The following PKD1L1 variants were observed in gnomAD, a reference collection of about 807,000 sequenced individuals.
The protein encoded by PKD1L1 is polycystin-1-like protein 1.
Under a neutral mutation model 323.4 loss-of-function variants are expected in PKD1L1, and 236 were observed. The observed-to-expected ratio is 0.73, with a 90% CI of 0.66 to 0.81. The LOEUF (loss-of-function observed/expected upper bound fraction) is 0.81, where lower values mean the gene tolerates loss of function less well. Ranked by LOEUF, PKD1L1 falls within the 40% of genes least tolerant of loss-of-function variation. The probability of loss-of-function intolerance (pLI) is 0.00; values close to 1 mark genes in which losing one functional copy is unlikely to be tolerated. For synonymous variants in PKD1L1, 1,344 were observed against 1,335.0 expected, an observed-to-expected ratio of 1.01 and a Z score of -0.15; for missense variants, 3,320 against 3,508.0, an observed-to-expected ratio of 0.95 and a Z score of 1.35.
Position 47,839,553 on chromosome 7 carries a change from C to T in PKD1L1, c.5662G>A (p.Gly1888Arg). ...SHVMVKELHTGQGWFFPAQCW... is the reference protein window; with the variant it reads ...SHVMVKELHTRQGWFFPAQCW... Reference sequence around the variant, plus strand: ...TGGGCAGGGAAGAACCAGCCCTGTCCCGTGTGCAGCTCCTTCACCATCACG... The same window carrying T: ...TGGGCAGGGAAGAACCAGCCCTGTCTCGTGTGCAGCTCCTTCACCATCACG... Residue 1888 changes from glycine (G) to arginine (R), a missense_variant, in exon 36 of 57, where the codon GGA (glycine) becomes AGA (arginine). Gly to Arg is a moderately radical substitution (Grantham distance 125). Coordinates refer to ENST00000289672, the MANE Select transcript of PKD1L1 (RefSeq NM_138295.5). This position sits in a 1 kb window ranked among gnomAD's most constrained non-coding sequence, Gnocchi z 4.3. The T allele has an allele frequency of 6.2e-7, 1 of 1,608,604 alleles. No homozygotes were observed. Among genetic ancestry groups the T allele is most frequent in the Admixed American group, 1.7e-5 (1 of 59,534 alleles).
chr7:47,868,642 G>C (rs946768732), intron 24 of PKD1L1, among the ~76,000 whole-genome samples: 1 of 152,176 alleles, frequency 6.6e-6, no homozygotes, highest in Non-Finnish European at 1.5e-5. Context: ...TTGGGAGGCC[G>C]AGGCAGGCGG....
chr7:47,821,976 A>G lies in PKD1L1; in HGVS notation c.6855-790T>C, dbSNP rs528991770. On this transcript the variant is annotated intron_variant, in intron 45 of 56. Coordinates refer to ENST00000289672, the MANE Select transcript of PKD1L1 (RefSeq NM_138295.5). ...AGTGCTTGGATTACAGGCATGAGTCACCATGCCCGGCCCCCAGCACCATTT... is the reference window on the plus strand; with the variant it reads ...AGTGCTTGGATTACAGGCATGAGTCGCCATGCCCGGCCCCCAGCACCATTT... Among the ~76,000 whole-genome samples the G allele has an allele frequency of 3.3e-5, 5 of 152,296 alleles. No individual in the cohort carries two copies. The East Asian group carries it at 9.7e-4, about 29-fold the overall frequency.
Position 47,856,285 on chromosome 7 carries a change from C to T in PKD1L1, c.4591-1020G>A, listed in dbSNP as rs571657400. ...AACTCCTGACCTTAGGTGATCCACT[C>T]GCCTCGGCCTCCCAAACTGCTGGGA... On this transcript the variant is annotated intron_variant, in intron 28 of 56. Transcript: ENST00000289672. 5.3e-5 allele frequency among the ~76,000 whole-genome samples: 8 copies of T among 152,288 alleles called. No homozygotes were observed. The South Asian group carries it at 6.2e-4, about 12-fold the overall frequency.
intron 56 of PKD1L1, among the ~76,000 whole-genome samples, chr7:47,776,473 A>T (rs1286318772): frequency 6.6e-6 from 1 of 152,168 alleles, no homozygotes; most frequent in Non-Finnish European, 1.5e-5. Context: ...ATGCACCCTG[A>T]TTTGCTCCAG....
intron 24 of PKD1L1, among the ~76,000 whole-genome samples, chr7:47,868,479 C>T (rs1786213346): frequency 6.6e-6 from 1 of 152,058 alleles, no homozygotes; most frequent in Admixed American, 6.5e-5. Flanking sequence ...AACTTAAAGC[C>T]ACAGGAAGAT....
At chr7:47,864,922 T>C (rs1786129884) in intron 26 of PKD1L1, among the ~76,000 whole-genome samples, 2 of 152,002 alleles carry the variant, frequency 1.3e-5, no homozygotes, top group Admixed American at 6.6e-5. Context: ...GAGACAGGGT[T>C]TCACCATGTT....
chr7:47,800,786 A>G lies in PKD1L1; in HGVS notation c.8056T>C (p.Phe2686Leu). ...VLPPGTFTDAFPGLLFHFPRR... is the reference protein window; with the variant it reads ...VLPPGTFTDALPGLLFHFPRR... The stretch of plus-strand genomic sequence containing the variant: ...GGAAAATGAAACAGCAGCCCGGGGA[A>G]GGCGTCTGTGAAGGTGCCAGGTGGT... Residue 2686 changes from phenylalanine (F) to leucine (L), a missense_variant, in exon 54 of 57, where the codon TTC (phenylalanine) becomes CTC (leucine). Transcript: ENST00000289672. 1 of 1,614,066 alleles carries G rather than the reference A, an allele frequency of 6.2e-7. No individual in the cohort carries two copies. Among genetic ancestry groups the G allele is most frequent in the Non-Finnish European group, 8.5e-7 (1 of 1,179,968 alleles).
chr7:47,936,095 G>C (rs1192216695), intron 4 of PKD1L1, among the ~76,000 whole-genome samples: 1 of 152,128 alleles, frequency 6.6e-6, no homozygotes. Flanking sequence ...CATTAGAGAA[G>C]GCCAACTATT....
intron 24 of PKD1L1, among the ~76,000 whole-genome samples, chr7:47,867,955 G>A (rs899292663): frequency 4.8e-4 from 73 of 152,164 alleles, no homozygotes; most frequent in Non-Finnish European, 5.9e-5. Flanking sequence ...TCAGAGAAAT[G>A]TTGAACAATT....
upstream of PKD1L1, among the ~76,000 whole-genome samples, chr7:47,948,692 T>A (rs1788151740): frequency 6.6e-6 from 1 of 152,206 alleles, no homozygotes; most frequent in South Asian, 2.1e-4. Flanking sequence ...ACGTGGTGGC[T>A]CATGTCTGTA....
chr7:47,783,355 G>A (rs1397048668), intron 56 of PKD1L1, among the ~76,000 whole-genome samples: 1 of 152,100 alleles, frequency 6.6e-6, no homozygotes, highest in Non-Finnish European at 1.5e-5. Context: ...AAAAAGAAGA[G>A]TTTGCTAATT....
intron 13 of PKD1L1, among the ~76,000 whole-genome samples, chr7:47,898,773 C>T (rs1787015284): frequency 6.6e-6 from 1 of 151,956 alleles, no homozygotes; most frequent in Non-Finnish European, 1.5e-5. Flanking sequence ...TACTATCTCA[C>T]CTTAAAAATT....
intron 52 of PKD1L1, among the ~76,000 whole-genome samples, chr7:47,804,011 C>T (rs151271271): frequency 6.6e-6 from 1 of 152,288 alleles, no homozygotes; most frequent in Non-Finnish European, 1.5e-5. Flanking sequence ...GGGGAAAGTA[C>T]TTTTGGGTGT....
At chr7:47,937,262 G>A (rs1271711983) in intron 3 of PKD1L1, among the ~76,000 whole-genome samples, 1 of 55,392 alleles carries the variant, frequency 1.8e-5, no homozygotes, top group Non-Finnish European at 3.4e-5. Context: ...GTGGGGGTGG[G>A]GGGGGGGGGC....
chr7:47,950,654 G>A (rs76582042), upstream of PKD1L1, among the ~76,000 whole-genome samples: 16,222 of 151,734 alleles, frequency 0.11, 1,057 homozygotes, highest in South Asian at 0.14. Flanking sequence ...AGGTTGTGGT[G>A]AGCCAACTTC....
Position 47,902,456 on chromosome 7 carries a change from G to C in PKD1L1, c.1987C>G (p.Leu663Val), listed in dbSNP as rs376944500. Residue 663 changes from leucine (L) to valine (V), a missense_variant, in exon 13 of 57, where the codon CTA becomes GTA. Physicochemically the swap from Leu to Val is conservative, Grantham distance 32. Coordinates refer to ENST00000289672, the MANE Select transcript of PKD1L1 (RefSeq NM_138295.5). Reference sequence around the variant, plus strand: ...CACACGATGAAAAGTTGCTGTCTTAGAGTGGAGGCACTGACATTATTGAAG... The same window carrying C: ...CACACGATGAAAAGTTGCTGTCTTACAGTGGAGGCACTGACATTATTGAAG... ...LAFNNVSAST[L>V]RQQLFIVCEP... 1.9e-6 allele frequency: 3 copies of C among 1,614,138 alleles called. No homozygotes were observed. Among genetic ancestry groups the C allele is most frequent in the Non-Finnish European group, 2.5e-6 (3 of 1,179,966 alleles).
intron 5 of PKD1L1, among the ~76,000 whole-genome samples, 198 bp downstream of exon 5, chr7:47,931,727 GAAAGCAAAAAT>G (rs2128755918): frequency 1.3e-5 from 2 of 152,342 alleles, no homozygotes; most frequent in East Asian, 3.9e-4. Context: ...TGCTCTTACA[GAAAGCAAAAAT>G]ATTTTCCCTT....
intron 3 of PKD1L1, among the ~76,000 whole-genome samples, chr7:47,937,579 C>T (rs963312830): frequency 1.5e-4 from 23 of 152,052 alleles, no homozygotes; most frequent in South Asian, 4.1e-4. Flanking sequence ...AGTGTGGTTG[C>T]GGTACTGAAG....
At chr7:47,880,398 C>T (rs1371004322) in intron 21 of PKD1L1, among the ~76,000 whole-genome samples, 6 of 148,022 alleles carry the variant, frequency 4.1e-5, no homozygotes, top group South Asian at 2.2e-4. Context: ...TCTCCTGCCT[C>T]GGCCTCTCGA....
Sources: allele counts gnomAD v4.1 joint callset (sites outside exome capture counted in the v4.1 genomes callset), GRCh38; gene constraint gnomAD v4.1.1; non-coding constraint Gnocchi (gnomAD v3.1); transcripts MANE v1.5; gene names NCBI Gene and HGNC (gene_info 2026-07-23, HGNC 2026-07-21).